Variants in ZNF536 observed in about 807,000 individuals in gnomAD.
ZNF536 encodes the protein zinc finger protein 536.
A neutral mutation model predicts 84.5 loss-of-function variants in ZNF536; 13 were observed. That is an observed-to-expected ratio of 0.15 (90% CI 0.10 to 0.24). ZNF536 has a LOEUF of 0.24. Among genes scored for constraint, ZNF536 ranks in the 10% least tolerant of loss-of-function variants. The pLI, the probability that ZNF536 is intolerant of heterozygous loss-of-function variation, is 1.00. For missense variants in ZNF536, 1,536 were observed against 1,747.5 expected, an observed-to-expected ratio of 0.88 and a Z score of 2.16; for synonymous variants, 811 against 742.5, an observed-to-expected ratio of 1.09 and a Z score of -1.50.
intron 2 of ZNF536, among the ~76,000 whole-genome samples, chr19:30,454,033 G>A (rs970501107): frequency 4.6e-5 from 7 of 152,352 alleles, no homozygotes; most frequent in Admixed American, 4.6e-4. Flanking sequence ...CTCCAATGTG[G>A]GCATGAGGAC....
At chr19:30,601,846 G>T (rs548876374) in intron 1 of ZNF536, among the ~76,000 whole-genome samples, 1 of 152,216 alleles carries the variant, frequency 6.6e-6, no homozygotes, top group South Asian at 2.1e-4. Flanking sequence ...TGGTGGCACC[G>T]TGGCTAGGAT....
intron 1 of ZNF536, among the ~76,000 whole-genome samples, chr19:30,624,009 G>A (rs1039745009): frequency 1.3e-5 from 2 of 152,146 alleles, no homozygotes; most frequent in African/African-American, 4.8e-5. Context: ...TGGCTGTGTG[G>A]TCATGACTGC....
intron 1 of ZNF536, among the ~76,000 whole-genome samples, chr19:30,375,801 A>G (rs1197389647): frequency 6.6e-6 from 1 of 152,148 alleles, no homozygotes; most frequent in Non-Finnish European, 1.5e-5. Context: ...GAGTGCTTAC[A>G]GGAATGTGGG....
intron 2 of ZNF536, among the ~76,000 whole-genome samples, chr19:30,520,146 C>T (rs114720677): frequency 1.3e-3 from 204 of 152,246 alleles, no homozygotes; most frequent in African/African-American, 4.7e-3. Context: ...ATTTCTGGCC[C>T]GGTGGGCCAG....
upstream of ZNF536, among the ~76,000 whole-genome samples, chr19:30,225,688 G>GGGC (rs2022573851): frequency 1.3e-5 from 1 of 77,610 alleles, no homozygotes; most frequent in African/African-American, 7.4e-5. Flanking sequence ...AAACAAAGGT[G>GGGC]GGGGGGGGAT....
rs555776846 is a variant in ZNF536 at position 30,698,667 on chromosome 19, A to C, written c.170-12090A>C. 2.0e-5 allele frequency among the ~76,000 whole-genome samples: 3 copies of C among 152,318 alleles called. No homozygotes were observed. In the East Asian group the frequency reaches 5.8e-4, roughly 29 times the overall value. On this transcript the variant is annotated intron_variant, in intron 1 of 1. Coordinates refer to the ZNF536 transcript ENST00000592773. Reference sequence around the variant, plus strand: ...TATGGATTTAGGGAAGGAAGACCACAAAGGTAAATTACCATTCTCATCATA... The same window carrying C: ...TATGGATTTAGGGAAGGAAGACCACCAAGGTAAATTACCATTCTCATCATA...
intron 1 of ZNF536, among the ~76,000 whole-genome samples, chr19:30,688,819 G>C (rs1260902656): frequency 6.6e-6 from 1 of 152,142 alleles, no homozygotes; most frequent in African/African-American, 2.4e-5. Context: ...TCTGTGTTGG[G>C]GCTAAGCTCA....
intron 1 of ZNF536, among the ~76,000 whole-genome samples, chr19:30,674,800 C>G (rs1461489483): frequency 1.3e-5 from 2 of 152,146 alleles, no homozygotes; most frequent in Non-Finnish European, 2.9e-5. Flanking sequence ...AGGTAGGCAG[C>G]TTTTTGCATT....
In ZNF536 at chr19:30,547,965, G is replaced by C. The variant is rs769979658; in HGVS notation, c.2346G>C (p.Pro782=). Residue 782 remains proline (P), a synonymous_variant, in exon 4 of 5, where the codon CCG becomes CCC. Transcript: ENST00000355537. ...IHTGEKPYKC[P]HCDYAGTQSA... ...CAGGTGAGAAACCCTACAAGTGTCC[G>C]CACTGTGACTATGCCGGCACGCAGT... 1.3e-6 allele frequency: 2 copies of C among 1,571,466 alleles called. No individual in the cohort carries two copies. The highest frequency in any genetic ancestry group is 8.6e-7 in the Non-Finnish European group (1 of 1,159,926).
intron 1 of ZNF536, among the ~76,000 whole-genome samples, chr19:30,235,230 G>T (rs1374176569): frequency 1.3e-5 from 2 of 152,220 alleles, no homozygotes; most frequent in African/African-American, 4.8e-5. Flanking sequence ...AGGGGTGTAG[G>T]AACTTGTTGC....
At chr19:30,234,752 C>T (rs1238550344) in intron 1 of ZNF536, among the ~76,000 whole-genome samples, 4 of 123,446 alleles carry the variant, frequency 3.2e-5, no homozygotes, top group Non-Finnish European at 6.6e-5. Context: ...ATTACACACA[C>T]ACACACACAC....
At chr19:30,295,656 G>A (rs1036805803) in intron 2 of ZNF536, among the ~76,000 whole-genome samples, 2 of 152,138 alleles carry the variant, frequency 1.3e-5, no homozygotes, top group Non-Finnish European at 2.9e-5. Context: ...TCCAGGACAC[G>A]CAGAGCCCTG....
intron 2 of ZNF536, among the ~76,000 whole-genome samples, chr19:30,307,438 T>C (rs2046374963): frequency 1.3e-5 from 2 of 151,336 alleles, no homozygotes; most frequent in African/African-American, 4.9e-5. Flanking sequence ...ACATGAGGGA[T>C]GCTTTTAATT....
At chr19:30,672,664 A>G (rs1212623403) in intron 1 of ZNF536, among the ~76,000 whole-genome samples, 1 of 152,132 alleles carries the variant, frequency 6.6e-6, no homozygotes, top group Non-Finnish European at 1.5e-5. Context: ...AAACACATCA[A>G]ATTCTCTGCT....
intron 1 of ZNF536, among the ~76,000 whole-genome samples, chr19:30,250,674 G>A (rs1296575272): frequency 6.6e-6 from 1 of 152,162 alleles, no homozygotes; most frequent in African/African-American, 2.4e-5. Context: ...GTAATGTGCA[G>A]ACACAGGGTC....
chr19:30,415,777 A>AT (rs1215435985), intron 1 of ZNF536, among the ~76,000 whole-genome samples: 2 of 151,880 alleles, frequency 1.3e-5, no homozygotes, highest in African/African-American at 4.8e-5. Flanking sequence ...TGCCCGGCTA[A>AT]TTTTTTGTAT....
chr19:30,384,092 C>CTCTT (rs5827707), intron 1 of ZNF536, among the ~76,000 whole-genome samples: 16,390 of 97,480 alleles, frequency 0.17, 2,928 homozygotes, highest in Non-Finnish European at 0.23. Flanking sequence ...TTCTGCCCAC[C>CTCTT]TCTTTCTCTT....
intron 2 of ZNF536, among the ~76,000 whole-genome samples, chr19:30,322,140 A>G (rs1211446723): frequency 1.3e-5 from 2 of 152,162 alleles, no homozygotes; most frequent in African/African-American, 4.8e-5. Context: ...ACTAGCTTTC[A>G]GTCTTTTCCT....
At chr19:30,233,971 G>A (rs2023278475) in intron 1 of ZNF536, among the ~76,000 whole-genome samples, 1 of 152,142 alleles carries the variant, frequency 6.6e-6, no homozygotes, top group Admixed American at 6.5e-5. Flanking sequence ...GGCTGGTAGG[G>A]CCAAAGCAAG....
Sources: gnomAD v4.1 joint callset for allele counts (sites outside exome capture counted in the v4.1 genomes callset) on GRCh38, gnomAD v4.1.1 for gene constraint, MANE v1.5 for transcripts, NCBI Gene and HGNC (gene_info 2026-07-23, HGNC 2026-07-21) for gene names.